LFNG: variants seen among roughly 807,000 people sequenced by gnomAD.
The protein encoded by LFNG is beta-1,3-N-acetylglucosaminyltransferase lunatic fringe.
LFNG carries 15 observed loss-of-function variants against 32.7 expected under a neutral mutation model. The ratio of observed to expected loss-of-function variants is 0.46; its 90% CI spans 0.31 to 0.71. The LOEUF (loss-of-function observed/expected upper bound fraction) is 0.71. Ranked by LOEUF, LFNG falls within the 30% of genes least tolerant of loss-of-function variation. The probability of loss-of-function intolerance (pLI) is 0.06; values close to 1 mark genes in which losing one functional copy is unlikely to be tolerated. For synonymous variants in LFNG, 274 were observed against 246.8 expected (o/e 1.11, Z -1.03); for missense variants, 520 against 545.7 (o/e 0.95, Z 0.47).
At position 2,521,184 on chromosome 7, in the gene LFNG, G is replaced by T. The variant is rs377451968; in HGVS notation, c.432+891G>T. Among the ~76,000 whole-genome samples the T allele has an allele frequency of 2.8e-3, 420 of 152,226 alleles. 1 individual carries two copies. The highest frequency in any genetic ancestry group is 8.5e-3 in the East Asian group (44 of 5,158). On this transcript the variant is annotated intron_variant, in intron 1 of 7. Coordinates refer to ENST00000222725, the MANE Select transcript of LFNG (RefSeq NM_001040167.2). ...GCTGTCCTGTTTTGGGGCACTGTGG[G>T]TGGGTGGGAGCAGGGCTTGGTGAGG...
chr7:2,512,895 A>T (rs1042340230), upstream of LFNG, among the ~76,000 whole-genome samples: 5 of 151,116 alleles, frequency 3.3e-5, no homozygotes, highest in Non-Finnish European at 7.4e-5. Flanking sequence ...CTCCACCTCC[A>T]CCTGCTCCCA....
chr7:2,527,038 C>T lies in LFNG; in HGVS notation c.1074-108C>T, dbSNP rs765982169. ...CATGACTCTACATAGAGGTGTCCCC[C>T]GGAGTCCTGCTTGCTCGGGGTGGGG... On this transcript the variant is annotated intron_variant, in intron 7 of 7. Transcript: ENST00000222725. The surrounding 1 kb of genome is among the most constrained non-coding windows in gnomAD (Gnocchi z 4.4). 101 of 1,416,668 alleles carry T rather than the reference C, an allele frequency of 7.1e-5. No individual in the cohort carries two copies. Among genetic ancestry groups the T allele is most frequent in the Middle Eastern group, 7.0e-4 (4 of 5,724 alleles). The allele number at this position is 1,416,668 out of a possible 1,614,324, so 87.8% of individuals were successfully genotyped here. A position where few individuals can be genotyped will look rare whatever the true frequency, so the allele number is the denominator to read the frequency against.
chr7:2,527,362 C>T lies in LFNG; in HGVS notation c.*150C>T. The T allele has an allele frequency of 6.7e-7, 1 of 1,493,630 alleles. No homozygotes were observed. Among genetic ancestry groups the T allele is most frequent in the South Asian group, 1.3e-5 (1 of 76,696 alleles). 92.5% of individuals were successfully genotyped at this position (1,493,630 alleles called of 1,614,324 possible). Reference sequence around the variant, plus strand: ...CGTGTGTGTGTGTGTGTACTGCATGCCCACCCGGGTAGCAGGCTGCTGGGC... The same window carrying T: ...CGTGTGTGTGTGTGTGTACTGCATGTCCACCCGGGTAGCAGGCTGCTGGGC... On this transcript the variant is annotated 3_prime_UTR_variant, in exon 8 of 8. Transcript: ENST00000222725. The surrounding 1 kb of genome is among the most constrained non-coding windows in gnomAD (Gnocchi z 4.4).
Position 2,526,782 on chromosome 7 carries a change from CGGGGCCCAGGGA to C in LFNG, c.988-53_988-42del. 3 of 1,546,214 alleles carry C rather than the reference CGGGGCCCAGGGA, an allele frequency of 1.9e-6. No homozygotes were observed. The highest frequency in any genetic ancestry group is 2.7e-6 in the Non-Finnish European group (3 of 1,121,722). On this transcript the variant is annotated intron_variant, in intron 6 of 7. Transcript: ENST00000222725. The surrounding 1 kb of genome is among the most constrained non-coding windows in gnomAD (Gnocchi z 6.9). ...TCAGGGCTGTGTGGCCAGCCTGGGG[CGGGGCCCAGGGA>C]TGTCGGGCCCCTCCCGGCATCACTC... is the stretch of plus-strand genomic sequence containing the variant.
rs1204733509 is a variant in LFNG, at chr7:2,527,269, C to A, written c.*57C>A. 3 of 1,598,438 alleles carry A rather than the reference C, an allele frequency of 1.9e-6. No homozygotes were observed. The highest frequency in any genetic ancestry group is 2.6e-6 in the Non-Finnish European group (3 of 1,176,456). On this transcript the variant is annotated 3_prime_UTR_variant, in exon 8 of 8. Coordinates refer to ENST00000222725, the MANE Select transcript of LFNG (RefSeq NM_001040167.2). This position sits in a 1 kb window ranked among gnomAD's most constrained non-coding sequence, Gnocchi z 4.4. Reference sequence around the variant, plus strand: ...CCCTGGTATCCAAAGGGCCCAGGGACCCTGTTGCGCTGCCCTGGCCTCGGC... The same window carrying A: ...CCCTGGTATCCAAAGGGCCCAGGGAACCTGTTGCGCTGCCCTGGCCTCGGC...
At position 2,525,775 on chromosome 7, in the gene LFNG, G is replaced by A. The variant is rs1472267664; in HGVS notation, c.821+5G>A. ...GAAGATGAGCCCGTGGGCCAGGTGA[G>A]TGCCCTGCACAGGTTAGGCCAGCCC... is the stretch of plus-strand genomic sequence containing the variant. On this transcript the variant is annotated splice_donor_5th_base_variant and intron_variant, in intron 5 of 7. Transcript: ENST00000222725. 3.1e-6 allele frequency: 5 copies of A among 1,610,238 alleles called. No homozygotes were observed. The highest frequency in any genetic ancestry group is 4.2e-6 in the Non-Finnish European group (5 of 1,179,416).
Position 2,525,582 on chromosome 7 carries a change from C to T in LFNG, c.735+15C>T. Reference sequence around the variant, plus strand: ...AGAACAAGGTGGTGAGTGCCTGCCCCTCCCAGTCCCCCACGCCCACGCGGA... The same window carrying T: ...AGAACAAGGTGGTGAGTGCCTGCCCTTCCCAGTCCCCCACGCCCACGCGGA... On this transcript the variant is annotated intron_variant, in intron 4 of 7. Coordinates refer to ENST00000222725, the MANE Select transcript of LFNG (RefSeq NM_001040167.2). The T allele has an allele frequency of 1.2e-6, 2 of 1,612,158 alleles. No individual in the cohort carries two copies. Among genetic ancestry groups the T allele is most frequent in the Non-Finnish European group, 1.7e-6 (2 of 1,179,698 alleles).
At chr7:2,513,369 T>C, upstream of LFNG, 2 of 1,549,604 alleles carry the variant, frequency 1.3e-6, no homozygotes, top group Non-Finnish European at 1.7e-6. Context: ...CCCCTTCTTC[T>C]GCTTCCAGAG....
chr7:2,526,963 TA>T lies in LFNG; in HGVS notation c.1073+43del. 1 of 1,583,638 alleles carries T rather than the reference TA, an allele frequency of 6.3e-7. No individual in the cohort carries two copies. ...CCAGATGGGCTTGCGTAGGGTGGCC[TA>T]GGGGCGTCAGGGGGCCTCGTGGAGC... On this transcript the variant is annotated intron_variant, in intron 7 of 7. Transcript: ENST00000222725. This position sits in a 1 kb window ranked among gnomAD's most constrained non-coding sequence, Gnocchi z 6.9.
chr7:2,519,956 C>T lies in LFNG; in HGVS notation c.95C>T (p.Pro32Leu). The change falls in exon 1 of 8, where the codon CCA becomes CTA. Residue 32 changes from proline (P) to leucine (L), a missense_variant. Pro to Leu is a moderately conservative substitution (Grantham distance 98, BLOSUM62 -3). Around this residue, in one of 3 missense-constraint regions of LFNG, gnomAD observed 360 missense variants for 354.7 expected, o/e 1.01. Transcript: ENST00000222725. ...LVLTADPPPP[P>L]LPAERGRRAL... ...CTCACCGCCGACCCGCCGCCGCCTCCACTGCCCGCCGAGCGCGGCCGGCGC... is the reference window on the plus strand; with the variant it reads ...CTCACCGCCGACCCGCCGCCGCCTCTACTGCCCGCCGAGCGCGGCCGGCGC... 1 of 996,952 alleles carries T rather than the reference C, an allele frequency of 1.0e-6. No homozygotes were observed. The highest frequency in any genetic ancestry group is 4.5e-5 in the South Asian group (1 of 22,048). 61.8% of individuals were successfully genotyped at this position (996,952 alleles called of 1,614,324 possible).
upstream of LFNG, among the ~76,000 whole-genome samples, chr7:2,516,294 C>T (rs1015498281): frequency 6.6e-6 from 1 of 152,228 alleles, no homozygotes; most frequent in African/African-American, 2.4e-5. Flanking sequence ...TGGACAGGCG[C>T]CTCGGATGGC....
upstream of LFNG, among the ~76,000 whole-genome samples, chr7:2,515,950 C>G (rs541231794): frequency 6.6e-6 from 1 of 152,240 alleles, no homozygotes; most frequent in South Asian, 2.1e-4. Context: ...GCCCAGCCAA[C>G]CTTCCCATCA....
In LFNG at chr7:2,528,055, T is replaced by C. The variant is rs1358298289; in HGVS notation, c.*843T>C. 3.4e-6 allele frequency: 3 copies of C among 894,154 alleles called. No individual in the cohort carries two copies. The highest frequency in any genetic ancestry group is 3.8e-5 in the African/African-American group (2 of 52,616). 55.4% of individuals were successfully genotyped at this position (894,154 alleles called of 1,614,324 possible). On this transcript the variant is annotated 3_prime_UTR_variant, in exon 8 of 8. Coordinates refer to ENST00000222725, the MANE Select transcript of LFNG (RefSeq NM_001040167.2). Reference sequence around the variant, plus strand: ...GGGATGGGTAAAAAGTAGGGTGTTCTTGTTTTTTGCTTGGGAGGGTGGGGG... The same window carrying C: ...GGGATGGGTAAAAAGTAGGGTGTTCCTGTTTTTTGCTTGGGAGGGTGGGGG...
At chr7:2,513,145 A>T, upstream of LFNG, 1 of 1,612,636 alleles carries the variant, frequency 6.2e-7, no homozygotes, top group Non-Finnish European at 8.5e-7. Flanking sequence ...CTCACCTACT[A>T]CCTTCCCCCA....
intron 1 of LFNG, among the ~76,000 whole-genome samples, chr7:2,521,570 T>C (rs1779793339): frequency 6.6e-6 from 1 of 152,158 alleles, no homozygotes; most frequent in Non-Finnish European, 1.5e-5. Context: ...CATCTCTTAC[T>C]GACAGTCCTT....
chr7:2,529,158 G>A (rs1319850128), downstream of LFNG: 4 of 313,788 alleles, frequency 1.3e-5, no homozygotes, highest in African/African-American at 4.3e-5. This position sits in a 1 kb window ranked among gnomAD's most constrained non-coding sequence, Gnocchi z 4.2. Context: ...GCAGCTCTGC[G>A]GTGCTTTTCC....
At position 2,526,956 on chromosome 7, in the gene LFNG, G is replaced by C; in HGVS notation, c.1073+35G>C. On this transcript the variant is annotated intron_variant, in intron 7 of 7. Coordinates refer to ENST00000222725, the MANE Select transcript of LFNG (RefSeq NM_001040167.2). The surrounding 1 kb of genome is among the most constrained non-coding windows in gnomAD (Gnocchi z 6.9). ...CCCCGGCCCAGATGGGCTTGCGTAG[G>C]GTGGCCTAGGGGCGTCAGGGGGCCT... 6.3e-7 allele frequency: 1 copy of C among 1,596,792 alleles called. No homozygotes were observed. Among genetic ancestry groups the C allele is most frequent in the South Asian group, 1.1e-5 (1 of 90,184 alleles).
At chr7:2,517,050 G>A (rs1273602630), upstream of LFNG, among the ~76,000 whole-genome samples, 1 of 152,136 alleles carries the variant, frequency 6.6e-6, no homozygotes, top group Non-Finnish European at 1.5e-5. Flanking sequence ...CCTTTGTCCT[G>A]TCCAGGGCTG....
Position 2,519,966 on chromosome 7 carries a change from C to T in LFNG, c.105C>T (p.Ala35=), listed in dbSNP as rs1779738077. Residue 35 remains alanine (A), a synonymous_variant, in exon 1 of 8, where the codon GCC becomes GCT. Transcript: ENST00000222725. Reference sequence around the variant, plus strand: ...ACCCGCCGCCGCCTCCACTGCCCGCCGAGCGCGGCCGGCGCGCGCTGCGCA... The same window carrying T: ...ACCCGCCGCCGCCTCCACTGCCCGCTGAGCGCGGCCGGCGCGCGCTGCGCA... ...TADPPPPPLP[A]ERGRRALRSL... is the part of the protein sequence containing the mutation. 1 of 985,882 alleles carries T rather than the reference C, an allele frequency of 1.0e-6. No homozygotes were observed. Among genetic ancestry groups the T allele is most frequent in the Admixed American group, 6.3e-5 (1 of 15,910 alleles). 61.1% of individuals were successfully genotyped at this position (985,882 alleles called of 1,614,324 possible). A position where few individuals can be genotyped will look rare whatever the true frequency, so the allele number is the denominator to read the frequency against.
Sources: allele counts gnomAD v4.1 joint callset (sites outside exome capture counted in the v4.1 genomes callset), GRCh38; gene constraint gnomAD v4.1.1; regional missense constraint gnomAD v4.1.1; non-coding constraint Gnocchi (gnomAD v3.1); transcripts MANE v1.5; gene names NCBI Gene and HGNC (gene_info 2026-07-23, HGNC 2026-07-21).